THSD7B: variants seen among roughly 807,000 people sequenced by gnomAD.
THSD7B encodes the protein thrombospondin type 1 domain containing 7B.
A neutral mutation model predicts 213.6 loss-of-function variants in THSD7B; 138 were observed. That is an observed-to-expected ratio of 0.65 (90% confidence interval 0.56 to 0.74). THSD7B has a LOEUF of 0.74. THSD7B is among the 30% of genes least tolerant of loss of function. The probability of loss-of-function intolerance (pLI) is 0.00; values close to 1 mark genes in which losing one functional copy is unlikely to be tolerated. For synonymous variants in THSD7B, 742 were observed against 687.0 expected (o/e 1.08, Z -1.25); for missense variants, 1,931 against 1,991.5 (o/e 0.97, Z 0.58).
intron 17 of THSD7B, among the ~76,000 whole-genome samples, chr2:137,581,386 G>A (rs1008127663): frequency 2.0e-5 from 3 of 152,094 alleles, no homozygotes; most frequent in Non-Finnish European, 4.4e-5. Context: ...TTGGGAGCTT[G>A]AGACCAGCCT....
At chr2:137,099,493 T>C (rs987743428) in intron 4 of THSD7B, among the ~76,000 whole-genome samples, 1 of 152,196 alleles carries the variant, frequency 6.6e-6, no homozygotes, top group African/African-American at 2.4e-5. Context: ...ATTCCAGATC[T>C]CTTGCGCTTT....
intron 2 of THSD7B, among the ~76,000 whole-genome samples, chr2:136,982,194 C>A (rs1298123515): frequency 6.6e-6 from 1 of 152,180 alleles, no homozygotes; most frequent in Non-Finnish European, 1.5e-5. Flanking sequence ...AGACACCACA[C>A]CTGGCCCCAA....
At chr2:137,078,420 A>G (rs1282365876) in intron 3 of THSD7B, among the ~76,000 whole-genome samples, 1 of 152,184 alleles carries the variant, frequency 6.6e-6, no homozygotes, top group Non-Finnish European at 1.5e-5. Context: ...AAATTTTCAA[A>G]TTCATTTGCA....
chr2:137,063,458 G>A (rs916068429), intron 3 of THSD7B, among the ~76,000 whole-genome samples: 3 of 151,984 alleles, frequency 2.0e-5, no homozygotes, highest in Admixed American at 1.3e-4. Flanking sequence ...ATACAAGCAT[G>A]CAATGCATTG....
At chr2:136,842,948 G>T (rs562955927) in intron 1 of THSD7B, among the ~76,000 whole-genome samples, 1 of 152,264 alleles carries the variant, frequency 6.6e-6, no homozygotes, top group East Asian at 1.9e-4. Context: ...TTCAATAAAT[G>T]TTCTTTCCTT....
intron 2 of THSD7B, among the ~76,000 whole-genome samples, chr2:136,891,551 C>T (rs1683859921): frequency 1.3e-5 from 2 of 152,168 alleles, no homozygotes; most frequent in Non-Finnish European, 2.9e-5. Flanking sequence ...AAGATAGAAG[C>T]TCAGACCTCT....
chr2:137,112,304 A>T (rs1432218), intron 4 of THSD7B, among the ~76,000 whole-genome samples: 4 of 151,744 alleles, frequency 2.6e-5, no homozygotes, highest in African/African-American at 4.8e-5. Context: ...ATATAGAAGT[A>T]GTTTATTGGT....
At chr2:137,235,800 C>A (rs1379021148) in intron 9 of THSD7B, among the ~76,000 whole-genome samples, 3 of 152,110 alleles carry the variant, frequency 2.0e-5, no homozygotes, top group African/African-American at 4.8e-5. Flanking sequence ...ACAGAAAAAT[C>A]AATTGCACAG....
At chr2:137,545,671 C>G (rs1223396683) in intron 15 of THSD7B, among the ~76,000 whole-genome samples, 1 of 151,860 alleles carries the variant, frequency 6.6e-6, no homozygotes, top group Non-Finnish European at 1.5e-5. Context: ...ACAGACTCCT[C>G]CAATAAGTGA....
In THSD7B at chr2:137,294,687, C is replaced by T. The variant is rs114754814; in HGVS notation, c.2500+18661C>T. 4.6e-3 allele frequency among the ~76,000 whole-genome samples: 674 copies of T among 147,930 alleles called. 4 individuals carry two copies. Among genetic ancestry groups the T allele is most frequent in the Non-Finnish European group, 7.5e-3 (504 of 67,098 alleles). On this transcript the variant is annotated intron_variant, in intron 12 of 27. Coordinates refer to ENST00000409968, the MANE Select transcript of THSD7B (RefSeq NM_001316349.2). The stretch of plus-strand genomic sequence containing the variant: ...CTATTTTATTGTTAGTTGTTAATTT[C>T]TTACTGTGCTTAATCTATAAATTAG...
intron 9 of THSD7B, among the ~76,000 whole-genome samples, chr2:137,241,410 C>G (rs1036816154): frequency 6.6e-6 from 1 of 152,196 alleles, no homozygotes; most frequent in African/African-American, 2.4e-5. Flanking sequence ...AACTCTCTTG[C>G]TATTTGCTGA....
chr2:137,259,446 G>A (rs1341479692), intron 10 of THSD7B, among the ~76,000 whole-genome samples: 1 of 152,158 alleles, frequency 6.6e-6, no homozygotes, highest in Non-Finnish European at 1.5e-5. Context: ...GTGATGATGA[G>A]CTTTTTTATA....
chr2:137,644,811 T>G (rs904105292), intron 21 of THSD7B, among the ~76,000 whole-genome samples: 8 of 152,176 alleles, frequency 5.3e-5, no homozygotes, highest in Admixed American at 2.0e-4. Flanking sequence ...GTGATGATAT[T>G]TAGGTGGCTG....
chr2:137,331,597 C>T (rs540497034), intron 12 of THSD7B, among the ~76,000 whole-genome samples: 227 of 152,338 alleles, frequency 1.5e-3, no homozygotes, highest in African/African-American at 5.2e-3. Context: ...CAGTCCTGTG[C>T]CATGTGCTCA....
At chr2:136,919,393 C>A (rs535220689) in intron 2 of THSD7B, among the ~76,000 whole-genome samples, 1 of 152,212 alleles carries the variant, frequency 6.6e-6, no homozygotes, top group Non-Finnish European at 1.5e-5. Context: ...TTGCAGCAGT[C>A]TGCTTTTTGG....
chr2:136,916,269 C>T (rs555806114), intron 2 of THSD7B, among the ~76,000 whole-genome samples: 1 of 152,316 alleles, frequency 6.6e-6, no homozygotes, highest in East Asian at 1.9e-4. Flanking sequence ...ATATACTAAC[C>T]TCTGCCATGA....
intron 1 of THSD7B, among the ~76,000 whole-genome samples, chr2:136,880,248 G>A (rs1683596180): frequency 2.6e-5 from 4 of 152,154 alleles, no homozygotes; most frequent in Admixed American, 2.6e-4. Flanking sequence ...TAAAAGAACA[G>A]AAATTATAAC....
intron 14 of THSD7B, among the ~76,000 whole-genome samples, chr2:137,428,540 T>C (rs572431225): frequency 1.3e-3 from 201 of 152,060 alleles, no homozygotes; most frequent in African/African-American, 4.2e-3. Context: ...AACAACCCAA[T>C]TTTTTTTCTG....
intron 2 of THSD7B, among the ~76,000 whole-genome samples, chr2:137,050,896 T>C (rs1687060497): frequency 6.6e-6 from 1 of 152,246 alleles, no homozygotes; most frequent in South Asian, 2.1e-4. Flanking sequence ...TATTATCCAA[T>C]GCGTAACTCA....
Sources: allele counts gnomAD v4.1 joint callset (sites outside exome capture counted in the v4.1 genomes callset), GRCh38; gene constraint gnomAD v4.1.1; transcripts MANE v1.5; gene names NCBI Gene and HGNC (gene_info 2026-07-23, HGNC 2026-07-21).